Variants in GRIK2 observed in about 807,000 individuals in gnomAD.
GRIK2 encodes glutamate receptor ionotropic, kainate 2.
A neutral mutation model predicts 100.3 loss-of-function variants in GRIK2; 32 were observed. That is an observed-to-expected ratio of 0.32 (90% CI 0.24 to 0.43). The LOEUF (loss-of-function observed/expected upper bound fraction) is 0.43. Ranked by LOEUF, GRIK2 falls within the 20% of genes least tolerant of loss-of-function variation. The pLI, the probability that GRIK2 is intolerant of heterozygous loss-of-function variation, is 1.00. For synonymous variants in GRIK2, 417 were observed against 389.4 expected (o/e 1.07, Z -0.83); for missense variants, 843 against 1,114.9 (o/e 0.76, Z 3.47).
At chr6:101,805,372 T>C (rs1780933480) in intron 9 of GRIK2, among the ~76,000 whole-genome samples, 1 of 151,484 alleles carries the variant, frequency 6.6e-6, no homozygotes. Context: ...GAAGTGAGAA[T>C]ACTATGGCCT....
intron 2 of GRIK2, among the ~76,000 whole-genome samples, chr6:101,569,350 AG>A (rs1247064699): frequency 6.6e-6 from 1 of 151,868 alleles, no homozygotes; most frequent in African/African-American, 2.4e-5. Flanking sequence ...TTATAAATAA[AG>A]CTTTTAAAAG....
intron 10 of GRIK2, among the ~76,000 whole-genome samples, chr6:101,837,503 A>T (rs1417162): frequency 0.29 from 43,804 of 152,088 alleles, 9,185 homozygotes; most frequent in East Asian, 0.68. Context: ...TTGTTTCATA[A>T]GCCCTAAATA....
chr6:101,421,837 C>G (rs978560219), intron 2 of GRIK2, among the ~76,000 whole-genome samples: 1 of 152,056 alleles, frequency 6.6e-6, no homozygotes, highest in African/African-American at 2.4e-5. Flanking sequence ...ATCTCAAGTA[C>G]GTGAGCATCA....
chr6:101,802,972 A>G (rs9322609), intron 9 of GRIK2, among the ~76,000 whole-genome samples: 28,792 of 151,700 alleles, frequency 0.19, 4,461 homozygotes, highest in East Asian at 0.67. Context: ...TTGTGGTAAA[A>G]CACCCAAAGA....
intron 11 of GRIK2, among the ~76,000 whole-genome samples, chr6:101,887,106 G>A (rs1467212845): frequency 6.6e-6 from 1 of 151,886 alleles, no homozygotes; most frequent in Non-Finnish European, 1.5e-5. Context: ...GGGATTACAG[G>A]TGTGAGCCAG....
At chr6:101,580,989 C>G (rs1013033228) in intron 2 of GRIK2, among the ~76,000 whole-genome samples, 2 of 151,998 alleles carry the variant, frequency 1.3e-5, no homozygotes, top group African/African-American at 2.4e-5. Flanking sequence ...TAATTACCCT[C>G]TCTCATCCTC....
intron 2 of GRIK2, among the ~76,000 whole-genome samples, chr6:101,436,379 A>G (rs1455278239): frequency 6.8e-6 from 1 of 146,042 alleles, no homozygotes; most frequent in Non-Finnish European, 1.5e-5. Context: ...TTTTTTTTTT[A>G]TACTGAACTC....
intron 12 of GRIK2, among the ~76,000 whole-genome samples, chr6:101,893,081 T>G (rs1416536949): frequency 1.3e-5 from 2 of 151,286 alleles, no homozygotes; most frequent in African/African-American, 4.8e-5. Flanking sequence ...GTAATTTAAA[T>G]GGAATCACTA....
chr6:101,398,209 G>T (rs967946599), intron 1 of GRIK2, among the ~76,000 whole-genome samples: 5 of 151,954 alleles, frequency 3.3e-5, no homozygotes, highest in African/African-American at 1.2e-4. Flanking sequence ...AAGAAATTTG[G>T]GCATAAATTA....
At chr6:101,414,990 A>G (rs980911171) in intron 2 of GRIK2, among the ~76,000 whole-genome samples, 4 of 144,932 alleles carry the variant, frequency 2.8e-5, no homozygotes, top group Non-Finnish European at 6.0e-5. Flanking sequence ...TGGTGTGTAT[A>G]TGTGTGTGGT....
intron 5 of GRIK2, among the ~76,000 whole-genome samples, chr6:101,680,697 T>A (rs1413103130): frequency 6.6e-6 from 1 of 152,118 alleles, no homozygotes; most frequent in Non-Finnish European, 1.5e-5. Flanking sequence ...GTAAAAAAAA[T>A]TGCCAAGCAT....
chr6:101,630,086 G>T (rs1004507619), intron 4 of GRIK2, among the ~76,000 whole-genome samples: 2 of 152,038 alleles, frequency 1.3e-5, no homozygotes, highest in African/African-American at 4.8e-5. Flanking sequence ...TGGTGTATAT[G>T]TACCACATTT....
chr6:101,664,815 G>C (rs1256117956), intron 4 of GRIK2, among the ~76,000 whole-genome samples: 1 of 152,140 alleles, frequency 6.6e-6, no homozygotes, highest in Non-Finnish European at 1.5e-5. Flanking sequence ...AGAAGGTTAA[G>C]GAGGAGCAAA....
chr6:101,437,387 T>C (rs1769781179), intron 2 of GRIK2, among the ~76,000 whole-genome samples: 1 of 152,124 alleles, frequency 6.6e-6, no homozygotes, highest in Non-Finnish European at 1.5e-5. Context: ...GAGCATCTAA[T>C]GTACCTCACA....
chr6:101,715,172 A>C (rs1157163202), intron 7 of GRIK2, among the ~76,000 whole-genome samples: 1 of 151,844 alleles, frequency 6.6e-6, no homozygotes, highest in African/African-American at 2.4e-5. Flanking sequence ...CAGAAACGTC[A>C]TTAAAATGTT....
At chr6:101,744,558 A>ATATCTATC (rs751011648) in intron 7 of GRIK2, 17 of 115,022 alleles carry the variant, frequency 1.5e-4, no homozygotes, top group African/African-American at 5.2e-4. Context: ...ATATATATAT[A>ATATCTATC]TCACAATTTC....
At chr6:101,813,752 T>G (rs1315504355) in intron 9 of GRIK2, among the ~76,000 whole-genome samples, 1 of 151,940 alleles carries the variant, frequency 6.6e-6, no homozygotes, top group Admixed American at 6.6e-5. Context: ...TCACCTGAGG[T>G]CAGGAGTTCA....
chr6:101,556,321 A>ATTTTTTTTTTTTTTATTTT (rs1776737556), intron 2 of GRIK2, among the ~76,000 whole-genome samples: 1 of 59,396 alleles, frequency 1.7e-5, no homozygotes, highest in Non-Finnish European at 3.6e-5. Flanking sequence ...TATATTGGTA[A>ATTTTTTTTTTTTTTATTTT]TTTTTTTTTT....
chr6:101,795,055 C>G (rs949607953), intron 7 of GRIK2, among the ~76,000 whole-genome samples: 2 of 151,830 alleles, frequency 1.3e-5, no homozygotes, highest in Non-Finnish European at 2.9e-5. Flanking sequence ...TTAGTAGAGA[C>G]CAGGTTTCAT....
Sources: gnomAD v4.1 joint callset for allele counts (sites outside exome capture counted in the v4.1 genomes callset) on GRCh38, gnomAD v4.1.1 for gene constraint, MANE v1.5 for transcripts, NCBI Gene and HGNC (gene_info 2026-07-23, HGNC 2026-07-21) for gene names.